The following DPP10 variants were observed in gnomAD, a reference collection of about 807,000 sequenced individuals.
DPP10 encodes inactive dipeptidyl peptidase 10.
Under a neutral mutation model 120.9 loss-of-function variants are expected in DPP10, and 33 were observed. The observed-to-expected ratio is 0.27, with a 90% CI of 0.21 to 0.37. The LOEUF is 0.37. Among genes scored for constraint, DPP10 ranks in the 10% least tolerant of loss-of-function variants. The pLI is 1.00. For missense variants in DPP10, 816 were observed against 942.8 expected, an observed-to-expected ratio of 0.87 and a Z score of 1.76; for synonymous variants, 337 against 326.1, an observed-to-expected ratio of 1.03 and a Z score of -0.36.
At chr2:115,836,830 C>A in intron 24 of DPP10, 84 bp downstream of exon 24, 1 of 1,256,430 alleles carries the variant, frequency 8.0e-7, no homozygotes. Flanking sequence ...TACAGGAAGC[C>A]CTGTAAACCT....
chr2:115,481,462 C>A (rs1461608084), intron 3 of DPP10, among the ~76,000 whole-genome samples: 1 of 152,118 alleles, frequency 6.6e-6, no homozygotes, highest in Non-Finnish European at 1.5e-5. Flanking sequence ...ACCGGTATTG[C>A]AGTAAGTAGG....
In DPP10 at chr2:114,906,891, T is replaced by G. The variant is rs149562125; in HGVS notation, c.61-402348T>G. On this transcript the variant is annotated intron_variant, in intron 1 of 25. Transcript: ENST00000410059. ...GATATATTTCCTCATTTTCTATGTT[T>G]TGAAAATTTGCGAGAGAGAGGTGTT... Among the ~76,000 whole-genome samples the G allele has an allele frequency of 1.2e-3, 189 of 152,328 alleles. 2 individuals carry two copies. Among genetic ancestry groups the G allele is most frequent in the African/African-American group, 4.4e-3 (182 of 41,584 alleles).
At chr2:115,760,663 A>T (rs181389096) in intron 11 of DPP10, among the ~76,000 whole-genome samples, 14 of 152,310 alleles carry the variant, frequency 9.2e-5, no homozygotes, top group Admixed American at 1.3e-4. Context: ...CAACCACTTG[A>T]TGCTCTTCTC....
chr2:115,411,068 G>A (rs1473700996), intron 3 of DPP10, among the ~76,000 whole-genome samples: 1 of 152,122 alleles, frequency 6.6e-6, no homozygotes, highest in African/African-American at 2.4e-5. Context: ...AGTAGCTCAT[G>A]CCTGTAATCC....
chr2:115,280,020 GCTTCT>G (rs1391327430), intron 1 of DPP10, among the ~76,000 whole-genome samples: 2 of 152,076 alleles, frequency 1.3e-5, no homozygotes, highest in Non-Finnish European at 2.9e-5. Flanking sequence ...GGAGAAGGTT[GCTTCT>G]CTTAATAGTT....
intron 1 of DPP10, among the ~76,000 whole-genome samples, chr2:114,827,229 G>A (rs1686634016): frequency 6.6e-6 from 1 of 152,134 alleles, no homozygotes; most frequent in Non-Finnish European, 1.5e-5. Flanking sequence ...TCCGTATGTG[G>A]TAATCTGGAG....
chr2:114,642,466 A>T (rs996271579), intron 1 of DPP10, among the ~76,000 whole-genome samples: 27 of 151,952 alleles, frequency 1.8e-4, no homozygotes, highest in African/African-American at 6.6e-4. Context: ...ACTAAGCAGA[A>T]TTATATTTTC....
intron 1 of DPP10, among the ~76,000 whole-genome samples, chr2:114,858,675 A>G (rs1027675788): frequency 6.6e-6 from 1 of 152,194 alleles, no homozygotes; most frequent in Non-Finnish European, 1.5e-5. Flanking sequence ...TGTGGGTGTT[A>G]TAGTTGTGAG....
At chr2:115,125,058 C>T (rs978086758) in intron 1 of DPP10, among the ~76,000 whole-genome samples, 1 of 152,184 alleles carries the variant, frequency 6.6e-6, no homozygotes. Flanking sequence ...TTTTGTTTCT[C>T]TATCTACCAT....
rs1003318531 is a variant in DPP10, at chr2:115,617,546, A to G, written c.442-72141A>G. The stretch of plus-strand genomic sequence containing the variant: ...AAGATTATAATAAGATATTTTTACT[A>G]TATCTTTTCTATGTTTAGATATGTT... On this transcript the variant is annotated intron_variant, in intron 5 of 25. Coordinates refer to ENST00000410059, the MANE Select transcript of DPP10 (RefSeq NM_020868.6). Among the ~76,000 whole-genome samples the G allele has an allele frequency of 2.6e-5, 4 of 151,852 alleles. No individual in the cohort carries two copies. The South Asian group carries it at 6.2e-4, about 24-fold the overall frequency.
chr2:114,598,097 C>T (rs1692073786), intron 1 of DPP10, among the ~76,000 whole-genome samples: 1 of 151,766 alleles, frequency 6.6e-6, no homozygotes, highest in South Asian at 2.1e-4. Context: ...TTGGAAGAAA[C>T]AGCACAAGCA....
Position 114,934,047 on chromosome 2 carries a change from G to A in DPP10, c.61-375192G>A, listed in dbSNP as rs140785147. 3.2e-3 allele frequency among the ~76,000 whole-genome samples: 484 copies of A among 152,254 alleles called. 1 individual carries two copies. The highest frequency in any genetic ancestry group is 0.011 in the African/African-American group (473 of 41,554). On this transcript the variant is annotated intron_variant, in intron 1 of 25. Coordinates refer to ENST00000410059, the MANE Select transcript of DPP10 (RefSeq NM_020868.6). ...CCTACTAATGCTATTATTTTTTCAA[G>A]TTCACCATTAAAATGTAGGGATGTG...
At chr2:115,064,499 C>A in intron 1 of DPP10, 1 of 318,306 alleles carries the variant, frequency 3.1e-6, no homozygotes, top group Non-Finnish European at 6.0e-6. Context: ...AATTTATCTA[C>A]ACACATCTGT....
At chr2:114,506,186 C>A (rs988113934) in intron 1 of DPP10, among the ~76,000 whole-genome samples, 8 of 152,318 alleles carry the variant, frequency 5.3e-5, no homozygotes, top group African/African-American at 1.9e-4. Context: ...CACTCCCAAT[C>A]CTGTGCCCAT....
chr2:114,929,727 C>T (rs12711811), intron 1 of DPP10, among the ~76,000 whole-genome samples: 1 of 151,870 alleles, frequency 6.6e-6, no homozygotes, highest in Admixed American at 6.6e-5. Context: ...ATCACAGGGT[C>T]CTGAGGCGAC....
chr2:115,157,704 C>A (rs954698364), intron 1 of DPP10, among the ~76,000 whole-genome samples: 1 of 152,098 alleles, frequency 6.6e-6, no homozygotes, highest in African/African-American at 2.4e-5. Flanking sequence ...ATTCATAAAT[C>A]GAAACCAAAT....
intron 3 of DPP10, among the ~76,000 whole-genome samples, chr2:115,345,332 A>C (rs1026267409): frequency 2.0e-5 from 3 of 152,166 alleles, no homozygotes; most frequent in African/African-American, 7.2e-5. Context: ...CACTATAATG[A>C]GTGCTATGAC....
intron 1 of DPP10, among the ~76,000 whole-genome samples, chr2:114,655,093 G>A (rs1696874980): frequency 6.6e-6 from 1 of 152,154 alleles, no homozygotes. Context: ...TACCTCCTAA[G>A]ATTTTAGTAA....
At chr2:115,694,874 T>C (rs2091498985) in intron 7 of DPP10, among the ~76,000 whole-genome samples, 1 of 152,204 alleles carries the variant, frequency 6.6e-6, no homozygotes, top group Non-Finnish European at 1.5e-5. Context: ...TGCATTCATC[T>C]TGCAGGAACC....
Sources: allele counts gnomAD v4.1 joint callset (sites outside exome capture counted in the v4.1 genomes callset), GRCh38; gene constraint gnomAD v4.1.1; transcripts MANE v1.5; gene names NCBI Gene and HGNC (gene_info 2026-07-23, HGNC 2026-07-21).